Variants in TRAPPC9 observed in about 807,000 individuals in gnomAD.
TRAPPC9 encodes the protein trafficking protein particle complex subunit 9.
TRAPPC9 carries 83 observed loss-of-function variants against 124.0 expected under a neutral mutation model. The observed-to-expected ratio is 0.67, with a 90% CI of 0.56 to 0.80. The LOEUF (loss-of-function observed/expected upper bound fraction) is 0.80. Ranked by LOEUF, TRAPPC9 falls within the 30% of genes least tolerant of loss-of-function variation. The pLI is 0.00. For missense variants in TRAPPC9, 1,302 were observed against 1,508.3 expected (o/e 0.86, Z 2.27); for synonymous variants, 638 against 617.5 (o/e 1.03, Z -0.49).
intron 19 of TRAPPC9, among the ~76,000 whole-genome samples, chr8:139,987,545 CAGAGAG>C (rs34718647): frequency 0.011 from 1,641 of 150,356 alleles, 31 homozygotes; most frequent in African/African-American, 0.038. Context: ...ATGAAAGAGG[CAGAGAG>C]AGAGAGAGAG....
chr8:139,991,334 T>C lies in TRAPPC9; in HGVS notation c.2700-2498A>G, dbSNP rs144189922. Among the ~76,000 whole-genome samples, 435 of 152,350 alleles carry C rather than the reference T, an allele frequency of 2.9e-3. 1 individual carries two copies. Among genetic ancestry groups the C allele is most frequent in the Non-Finnish European group, 4.5e-3 (306 of 68,032 alleles). On this transcript the variant is annotated intron_variant, in intron 18 of 22. Coordinates refer to ENST00000438773, the MANE Select transcript of TRAPPC9 (RefSeq NM_001160372.4). The stretch of plus-strand genomic sequence containing the variant: ...TTTCTGTCCTCTTGCTCTTCTTTTT[T>C]CTGACTCACTGTCTGAGTGTGGGGG...
chr8:139,891,683 A>G (rs780175905), intron 20 of TRAPPC9, among the ~76,000 whole-genome samples: 22 of 152,198 alleles, frequency 1.4e-4, no homozygotes, highest in Non-Finnish European at 2.6e-4. Flanking sequence ...GGGGCTTGAC[A>G]TCTTTCAAGA....
In TRAPPC9 at chr8:140,371,070, G is replaced by A. The variant is rs563677377; in HGVS notation, c.1245C>T (p.Cys415=). Residue 415 remains cysteine (C), a synonymous_variant, in exon 8 of 23, where the codon TGC becomes TGT. Transcript: ENST00000438773. ...CAGGCTCCGCGATGCTTGGGGCCAC[G>A]CACTGCATGGCGGCCACGCGCTTGA... ...AFFKRVAAMQ[C]VAPSIAEPGW... is the part of the protein sequence containing the mutation. The A allele has an allele frequency of 5.0e-5, 80 of 1,614,240 alleles. 1 individual carries two copies. The highest frequency in any genetic ancestry group is 3.8e-4 in the Admixed American group (23 of 60,030).
chr8:140,352,559 G>A lies in TRAPPC9; in HGVS notation c.1495+7491C>T, dbSNP rs2067619558. Among the ~76,000 whole-genome samples, 5 of 152,108 alleles carry A rather than the reference G, an allele frequency of 3.3e-5. No individual in the cohort carries two copies. The South Asian group carries it at 1.0e-3, about 32-fold the overall frequency. On this transcript the variant is annotated intron_variant, in intron 9 of 22. Coordinates refer to ENST00000438773, the MANE Select transcript of TRAPPC9 (RefSeq NM_001160372.4). Reference sequence around the variant, plus strand: ...CACCTTCCCAACACCTTAGGACTGGGCTGAACATTAAACGCGGGGGAAACA... The same window carrying A: ...CACCTTCCCAACACCTTAGGACTGGACTGAACATTAAACGCGGGGGAAACA...
intron 17 of TRAPPC9, among the ~76,000 whole-genome samples, chr8:140,185,252 C>A (rs1019827245): frequency 6.6e-6 from 1 of 152,194 alleles, no homozygotes; most frequent in Non-Finnish European, 1.5e-5. Flanking sequence ...CCTGCCCTCC[C>A]GGGGCTCTGA....
At chr8:139,746,701 GT>G (rs1262751478) in intron 21 of TRAPPC9, among the ~76,000 whole-genome samples, 1 of 152,224 alleles carries the variant, frequency 6.6e-6, no homozygotes, top group African/African-American at 2.4e-5. Context: ...ATTTGGGGCT[GT>G]TTGTTACAGC....
chr8:140,109,847 G>A (rs907444593), intron 17 of TRAPPC9, among the ~76,000 whole-genome samples: 14 of 152,222 alleles, frequency 9.2e-5, no homozygotes, highest in African/African-American at 3.4e-4. Context: ...CAGCCTGCCT[G>A]TTTCCTGGTC....
chr8:140,227,461 T>A (rs1049862214), intron 16 of TRAPPC9, among the ~76,000 whole-genome samples: 1 of 152,184 alleles, frequency 6.6e-6, no homozygotes, highest in Admixed American at 6.5e-5. Flanking sequence ...GGTATGAGTC[T>A]GGTAGATCAT....
chr8:140,201,232 G>C (rs1250339738), intron 17 of TRAPPC9, among the ~76,000 whole-genome samples: 1 of 152,184 alleles, frequency 6.6e-6, no homozygotes, highest in Admixed American at 6.5e-5. Flanking sequence ...ACAGAAACCT[G>C]CGGGTCCAGC....
chr8:140,318,957 G>A (rs767281084), intron 9 of TRAPPC9, among the ~76,000 whole-genome samples: 80 of 152,284 alleles, frequency 5.3e-4, no homozygotes, highest in Non-Finnish European at 9.6e-4. Flanking sequence ...ACACAAGGCC[G>A]TGGTGGCTGC....
chr8:139,888,583 T>C (rs1563895576), intron 20 of TRAPPC9, among the ~76,000 whole-genome samples: 1 of 152,134 alleles, frequency 6.6e-6, no homozygotes, highest in Non-Finnish European at 1.5e-5. Context: ...TCACCCACCA[T>C]TTCTGTTGCC....
At position 139,842,001 on chromosome 8, in the gene TRAPPC9, C is replaced by T. The variant is rs371398970; in HGVS notation, c.3055+43878G>A. The stretch of plus-strand genomic sequence containing the variant: ...ACCGGGGACATGGGAGAGCCCAGAC[C>T]GCTTTGGAAAACACAGCAGTGTGAG... On this transcript the variant is annotated intron_variant, in intron 21 of 22. Transcript: ENST00000438773. Among the ~76,000 whole-genome samples the T allele has an allele frequency of 5.9e-5, 9 of 152,306 alleles. No individual in the cohort carries two copies. The South Asian group carries it at 1.9e-3, about 32-fold the overall frequency.
chr8:140,017,920 TA>T (rs1465851208), intron 18 of TRAPPC9, among the ~76,000 whole-genome samples: 9 of 152,286 alleles, frequency 5.9e-5, no homozygotes, highest in Admixed American at 3.3e-4. Context: ...CTCGGCTGAC[TA>T]CAACTTCCAC....
chr8:140,119,335 G>A (rs1328390952), intron 17 of TRAPPC9, among the ~76,000 whole-genome samples: 1 of 152,192 alleles, frequency 6.6e-6, no homozygotes, highest in Admixed American at 6.5e-5. Context: ...GCATGATAAG[G>A]CAAAACAGAA....
Position 140,087,323 on chromosome 8 carries a change from C to T in TRAPPC9, c.2557-63244G>A, listed in dbSNP as rs1464027354. On this transcript the variant is annotated intron_variant, in intron 17 of 22. Coordinates refer to ENST00000438773, the MANE Select transcript of TRAPPC9 (RefSeq NM_001160372.4). The surrounding 1 kb of genome is among the most constrained non-coding windows in gnomAD (Gnocchi z 4.6). ...CACAGCACTCTATCTCTGCAACCCC[C>T]TCAGGAATGTCATCCAGGCCCAGGA... Among the ~76,000 whole-genome samples, 1 of 152,140 alleles carries T rather than the reference C, an allele frequency of 6.6e-6. No individual in the cohort carries two copies. Among genetic ancestry groups the T allele is most frequent in the Non-Finnish European group, 1.5e-5 (1 of 68,036 alleles).
At chr8:140,305,485 A>ACAGAGCG in intron 10 of TRAPPC9, among the ~76,000 whole-genome samples, 1 of 152,230 alleles carries the variant, frequency 6.6e-6, no homozygotes, top group Non-Finnish European at 1.5e-5. Flanking sequence ...TATTTTTGGA[A>ACAGAGCG]GAGATGGGGT....
intron 21 of TRAPPC9, among the ~76,000 whole-genome samples, chr8:139,741,217 G>T (rs765966398): frequency 6.6e-6 from 1 of 152,306 alleles, no homozygotes; most frequent in South Asian, 2.1e-4. Flanking sequence ...TCCCCTGGGC[G>T]TGGCACTCCT....
At chr8:139,990,383 C>T (rs908140999) in intron 18 of TRAPPC9, among the ~76,000 whole-genome samples, 1 of 152,080 alleles carries the variant, frequency 6.6e-6, no homozygotes, top group Admixed American at 6.6e-5. Flanking sequence ...CACATGTCCG[C>T]GGCAATTTCC....
intron 16 of TRAPPC9, among the ~76,000 whole-genome samples, chr8:140,226,291 G>A (rs1385794114): frequency 3.9e-5 from 6 of 152,114 alleles, no homozygotes; most frequent in African/African-American, 1.2e-4. Flanking sequence ...TCTGAATCAC[G>A]TTATAAAGAT....
Sources: gnomAD v4.1 joint callset for allele counts (sites outside exome capture counted in the v4.1 genomes callset) on GRCh38, gnomAD v4.1.1 for gene constraint, Gnocchi (gnomAD v3.1) non-coding constraint, MANE v1.5 for transcripts, NCBI Gene and HGNC (gene_info 2026-07-23, HGNC 2026-07-21) for gene names.